Variants in NDUFAF2 observed in about 807,000 individuals in gnomAD.
NDUFAF2 encodes NADH:ubiquinone oxidoreductase complex assembly factor 2, also known as NADH dehydrogenase [ubiquinone] 1 alpha subcomplex assembly factor 2.
Under a neutral mutation model 22.8 loss-of-function variants are expected in NDUFAF2, and 13 were observed. The observed-to-expected ratio is 0.57, with a 90% CI of 0.37 to 0.91. NDUFAF2 has a LOEUF of 0.91. Ranked by LOEUF, NDUFAF2 falls within the 40% of genes least tolerant of loss-of-function variation. NDUFAF2 has a pLI of 0.01. For missense variants in NDUFAF2, 162 were observed against 195.2 expected, an observed-to-expected ratio of 0.83 and a Z score of 1.01; for synonymous variants, 53 against 64.2, an observed-to-expected ratio of 0.83 and a Z score of 0.84.
intron 1 of NDUFAF2, among the ~76,000 whole-genome samples, chr5:61,060,529 A>G (rs1245302039): frequency 1.3e-5 from 2 of 152,146 alleles, no homozygotes; most frequent in African/African-American, 4.8e-5. Context: ...CACTGCTATA[A>G]AAGGAGAGAC....
At chr5:61,065,864 GAAAT>G (rs1752220403) in intron 1 of NDUFAF2, among the ~76,000 whole-genome samples, 1 of 151,750 alleles carries the variant, frequency 6.6e-6, no homozygotes, top group Non-Finnish European at 1.5e-5. Flanking sequence ...ATAAGAAACA[GAAAT>G]AAAAGGCATC....
At chr5:61,115,486 G>T (rs1357010321) in intron 3 of NDUFAF2, 1 of 152,202 alleles carries the variant, frequency 6.6e-6, no homozygotes, top group Non-Finnish European at 1.5e-5. Context: ...TTTCAATTTG[G>T]TGTTCCTGCA....
At chr5:61,038,088 A>AGAGAGAG (rs1561547893) in intron 1 of NDUFAF2, among the ~76,000 whole-genome samples, 7 of 77,820 alleles carry the variant, frequency 9.0e-5, no homozygotes, top group African/African-American at 3.7e-4. Flanking sequence ...GAGGCGGGGG[A>AGAGAGAG]AGAGAGAGAG....
intron 1 of NDUFAF2, among the ~76,000 whole-genome samples, chr5:61,034,275 A>G (rs1261161196): frequency 6.6e-6 from 1 of 152,180 alleles, no homozygotes; most frequent in Non-Finnish European, 1.5e-5. Flanking sequence ...TAGTACAGTT[A>G]TGTGTCACTT....
At chr5:61,042,440 T>C (rs1385012578) in intron 1 of NDUFAF2, among the ~76,000 whole-genome samples, 1 of 152,198 alleles carries the variant, frequency 6.6e-6, no homozygotes, top group South Asian at 2.1e-4. Flanking sequence ...TGTATGTATG[T>C]ATTTGTGTGT....
At chr5:61,047,131 G>A (rs1364842543) in intron 1 of NDUFAF2, among the ~76,000 whole-genome samples, 1 of 151,752 alleles carries the variant, frequency 6.6e-6, no homozygotes, top group Non-Finnish European at 1.5e-5. Context: ...AACTTTCTGT[G>A]GTCAAAACCT....
At chr5:60,947,109 A>G (rs1037275060) in intron 1 of NDUFAF2, among the ~76,000 whole-genome samples, 1 of 152,198 alleles carries the variant, frequency 6.6e-6, no homozygotes, top group Non-Finnish European at 1.5e-5. Context: ...TGTGAACGTA[A>G]GTTTTCATAT....
intron 1 of NDUFAF2, among the ~76,000 whole-genome samples, chr5:61,063,081 A>G (rs1248235365): frequency 2.0e-5 from 3 of 152,136 alleles, no homozygotes; most frequent in Non-Finnish European, 2.9e-5. Flanking sequence ...AAACAAAAGG[A>G]TGACAATTAC....
chr5:60,979,036 A>G (rs191964493), intron 1 of NDUFAF2, among the ~76,000 whole-genome samples: 42 of 152,284 alleles, frequency 2.8e-4, no homozygotes, highest in African/African-American at 9.1e-4. Context: ...TAGCTCCTGG[A>G]TGACATTTCT....
intron 3 of NDUFAF2, among the ~76,000 whole-genome samples, chr5:61,112,696 T>C (rs1473252953): frequency 1.3e-5 from 2 of 152,182 alleles, no homozygotes; most frequent in Non-Finnish European, 2.9e-5. Context: ...TCTTGTTTTT[T>C]AATTCATCAG....
intron 3 of NDUFAF2, among the ~76,000 whole-genome samples, chr5:61,136,005 T>TATA (rs1411594766): frequency 6.2e-5 from 6 of 96,052 alleles, no homozygotes; most frequent in African/African-American, 1.6e-4. Flanking sequence ...AAGCCTGTCT[T>TATA]TATATATATA....
At chr5:61,076,970 C>T (rs936201913) in intron 2 of NDUFAF2, among the ~76,000 whole-genome samples, 8 of 152,108 alleles carry the variant, frequency 5.3e-5, no homozygotes, top group Non-Finnish European at 8.8e-5. Context: ...TTGGCCTCAC[C>T]TGGAAAAAGG....
At chr5:61,083,283 T>C in intron 2 of NDUFAF2, 1 of 152,128 alleles carries the variant, frequency 6.6e-6, no homozygotes, top group East Asian at 1.9e-4. Context: ...ATGTCTTACA[T>C]TTAAGTCTTT....
At chr5:61,060,981 G>A (rs1322713373) in intron 1 of NDUFAF2, among the ~76,000 whole-genome samples, 1 of 152,114 alleles carries the variant, frequency 6.6e-6, no homozygotes, top group Non-Finnish European at 1.5e-5. Flanking sequence ...AGTGGCTCAG[G>A]AAAGGAGAGA....
At chr5:61,135,581 G>A (rs1740913458) in intron 3 of NDUFAF2, among the ~76,000 whole-genome samples, 1 of 152,104 alleles carries the variant, frequency 6.6e-6, no homozygotes, top group Non-Finnish European at 1.5e-5. Flanking sequence ...TGTTAGATGT[G>A]CACATCAGGG....
At chr5:61,098,911 C>T (rs1752674370) in intron 2 of NDUFAF2, 81 bp from the exon 3 acceptor site, 2 of 1,063,516 alleles carry the variant, frequency 1.9e-6, no homozygotes, top group African/African-American at 1.6e-5. Flanking sequence ...GGAGTAGGTA[C>T]TCAAAAAAAT....
chr5:60,953,102 C>T (rs951613095), intron 1 of NDUFAF2, among the ~76,000 whole-genome samples: 2 of 151,964 alleles, frequency 1.3e-5, no homozygotes, highest in African/African-American at 4.8e-5. Flanking sequence ...AAACTATAAA[C>T]CCACAGACCC....
chr5:61,004,089 T>C (rs1456559645), intron 1 of NDUFAF2, among the ~76,000 whole-genome samples: 2 of 152,098 alleles, frequency 1.3e-5, no homozygotes, highest in African/African-American at 4.8e-5. Flanking sequence ...TCCTGTAAAA[T>C]ATTTGTGCCT....
intron 1 of NDUFAF2, among the ~76,000 whole-genome samples, chr5:60,997,886 C>A (rs1391374593): frequency 1.3e-5 from 2 of 152,148 alleles, no homozygotes; most frequent in Non-Finnish European, 2.9e-5. Flanking sequence ...TGGGGAAAGG[C>A]TTATCATCCT....
Sources: gnomAD v4.1 joint callset for allele counts (sites outside exome capture counted in the v4.1 genomes callset) on GRCh38, gnomAD v4.1.1 for gene constraint, MANE v1.5 for transcripts, NCBI Gene and HGNC (gene_info 2026-07-23, HGNC 2026-07-21) for gene names.